The following G3BP2 variants were observed in gnomAD, a reference collection of about 807,000 sequenced individuals.
G3BP2 encodes G3BP stress granule assembly factor 2.
G3BP2 carries 11 observed loss-of-function variants against 56.7 expected under a neutral mutation model. The observed-to-expected ratio is 0.19, with a 90% confidence interval of 0.12 to 0.32. The LOEUF is 0.32. G3BP2 is among the 10% of genes least tolerant of loss of function. The probability of loss-of-function intolerance (pLI) is 1.00; values close to 1 mark genes in which losing one functional copy is unlikely to be tolerated. For missense variants in G3BP2, 340 were observed against 610.9 expected (o/e 0.56, Z 4.67); for synonymous variants, 165 against 191.6 (o/e 0.86, Z 1.15).
intron 3 of G3BP2, among the ~76,000 whole-genome samples, chr4:75,715,999 G>A (rs915899446): frequency 1.2e-4 from 18 of 152,240 alleles, no homozygotes; most frequent in African/African-American, 4.3e-4. Context: ...CTTAGATTCT[G>A]AGCTTTTTAG....
intron 4 of G3BP2, among the ~76,000 whole-genome samples, chr4:75,657,234 A>C (rs1376633626): frequency 6.6e-6 from 1 of 152,232 alleles, no homozygotes; most frequent in Non-Finnish European, 1.5e-5. Context: ...AACCTAGTAG[A>C]ACTCAAGAAA....
rs186775397 is a variant in G3BP2, at chr4:75,650,997, T to C, written c.826-2256A>G. The stretch of plus-strand genomic sequence containing the variant: ...CTCTGACCCAAAACATGCAGGATAA[T>C]GTTCTATGTCTGACAAAGATACGTA... On this transcript the variant is annotated intron_variant, in intron 8 of 11. Transcript: ENST00000359707. 2.6e-4 allele frequency among the ~76,000 whole-genome samples: 40 copies of C among 152,354 alleles called. No homozygotes were observed. The East Asian group carries it at 6.7e-3, about 26-fold the overall frequency.
chr4:75,673,436 CT>C (rs1733683158), upstream of G3BP2: 1 of 1,232,138 alleles, frequency 8.1e-7, no homozygotes, highest in Admixed American at 4.2e-5. Context: ...CCACCGCCCC[CT>C]CTTATTGTTT....
chr4:75,684,775 C>G (rs898146455), intron 3 of G3BP2, among the ~76,000 whole-genome samples: 1 of 151,390 alleles, frequency 6.6e-6, no homozygotes, highest in African/African-American at 2.4e-5. Context: ...CATGAACATT[C>G]TGTATACATG....
intron 11 of G3BP2, 146 bp from the exon 12 acceptor site, chr4:75,645,848 C>A: frequency 2.8e-6 from 2 of 704,490 alleles, no homozygotes; most frequent in East Asian, 2.7e-5. Flanking sequence ...TCAGCTGTCA[C>A]CCAGGCTGGT....
intron 3 of G3BP2, among the ~76,000 whole-genome samples, chr4:75,679,923 T>C (rs1181124227): frequency 6.6e-6 from 1 of 152,138 alleles, no homozygotes. Flanking sequence ...TGAGGAGGCA[T>C]TTGCCCTGAA....
chr4:75,671,275 T>C (rs1345148100), intron 1 of G3BP2, among the ~76,000 whole-genome samples: 1 of 152,206 alleles, frequency 6.6e-6, no homozygotes, highest in Non-Finnish European at 1.5e-5. Context: ...ACTGTCTCCA[T>C]ATTCACTCAA....
intron 3 of G3BP2, among the ~76,000 whole-genome samples, chr4:75,685,064 T>C (rs368252466): frequency 5.3e-5 from 8 of 152,136 alleles, no homozygotes; most frequent in African/African-American, 1.9e-4. Flanking sequence ...TGTAGTTATA[T>C]AGGATACCAA....
At chr4:75,697,315 A>T (rs1719167048) in intron 3 of G3BP2, among the ~76,000 whole-genome samples, 2 of 141,466 alleles carry the variant, frequency 1.4e-5, no homozygotes, top group Non-Finnish European at 3.1e-5. Context: ...CATGAAATTG[A>T]GGTGTTTTGT....
chr4:75,648,812 G>C, intron 8 of G3BP2, 71 bp from the exon 9 acceptor site: 1 of 823,382 alleles, frequency 1.2e-6, no homozygotes, highest in Admixed American at 2.0e-5. Context: ...AGCACCTAAC[G>C]ACAAGTCACT....
intron 3 of G3BP2, among the ~76,000 whole-genome samples, chr4:75,689,479 T>C (rs1718762120): frequency 6.6e-6 from 1 of 152,196 alleles, no homozygotes; most frequent in African/African-American, 2.4e-5. Context: ...ATGTTTATAA[T>C]ATATTGTGAT....
At chr4:75,680,878 G>A (rs917951929) in intron 3 of G3BP2, among the ~76,000 whole-genome samples, 3 of 151,868 alleles carry the variant, frequency 2.0e-5, no homozygotes, top group East Asian at 1.9e-4. Context: ...CGAGGCAGGA[G>A]AATAGCTTGA....
At position 75,648,646 on chromosome 4, in the gene G3BP2, TG is replaced by T; in HGVS notation, c.920del (p.Pro307GlnfsTer18). 6.4e-7 allele frequency: 1 copy of T among 1,572,326 alleles called. No individual in the cohort carries two copies. Among genetic ancestry groups the T allele is most frequent in the Non-Finnish European group, 8.8e-7 (1 of 1,142,120 alleles). On this transcript the variant is annotated frameshift_variant, in exon 9 of 12. Coordinates refer to ENST00000359707, the MANE Select transcript of G3BP2 (RefSeq NM_203505.3). LOFTEE classifies it high-confidence loss of function. ...RERPGFPPRG[P>X]RPGRGDMEQN... The stretch of plus-strand genomic sequence containing the variant: ...ATAAAGGAGCTGACTCACCTGGTCT[TG>T]GTCCTCTAGGAGGAAAACCAGGTCG...
chr4:75,707,350 C>T (rs905647632), intron 3 of G3BP2, among the ~76,000 whole-genome samples: 2 of 151,564 alleles, frequency 1.3e-5, no homozygotes, highest in East Asian at 3.9e-4. Flanking sequence ...TCGGCAGCGC[C>T]GTGGCTCACG....
intron 3 of G3BP2, among the ~76,000 whole-genome samples, chr4:75,701,348 A>G (rs537459286): frequency 6.6e-6 from 1 of 152,202 alleles, no homozygotes; most frequent in African/African-American, 2.4e-5. Flanking sequence ...GCTGGAGTGC[A>G]GTGGCACTAT....
At chr4:75,661,044 C>T (rs916158725) in intron 2 of G3BP2, among the ~76,000 whole-genome samples, 1 of 152,026 alleles carries the variant, frequency 6.6e-6, no homozygotes, top group Admixed American at 6.6e-5. Context: ...CTGATTCATC[C>T]CCCAACACTG....
At chr4:75,712,068 A>G (rs1241346735) in intron 3 of G3BP2, among the ~76,000 whole-genome samples, 4 of 152,356 alleles carry the variant, frequency 2.6e-5, no homozygotes, top group African/African-American at 9.6e-5. Context: ...CAAAGAAATG[A>G]TAACTGTTTG....
chr4:75,672,904 C>A (rs546802438), intron 1 of G3BP2: 5 of 649,276 alleles, frequency 7.7e-6, no homozygotes, highest in African/African-American at 3.9e-5. Flanking sequence ...TGCCTCCCCC[C>A]CCACTTCGCC....
At chr4:75,699,870 A>C (rs565688708) in intron 3 of G3BP2, among the ~76,000 whole-genome samples, 79 of 152,330 alleles carry the variant, frequency 5.2e-4, no homozygotes, top group African/African-American at 1.8e-3. Flanking sequence ...GAAATGGGAA[A>C]CAAAAAATAT....
Sources: gnomAD v4.1 joint callset for allele counts (sites outside exome capture counted in the v4.1 genomes callset) on GRCh38, gnomAD v4.1.1 for gene constraint, MANE v1.5 for transcripts, NCBI Gene and HGNC (gene_info 2026-07-23, HGNC 2026-07-21) for gene names.